Variants in DPYD observed in about 807,000 individuals in gnomAD.
The protein encoded by DPYD is dihydropyrimidine dehydrogenase [NADP(+)].
DPYD carries 109 observed loss-of-function variants against 116.2 expected under a neutral mutation model. That is an observed-to-expected ratio of 0.94 (90% CI 0.80 to 1.10). The LOEUF (loss-of-function observed/expected upper bound fraction) is 1.10, where lower values mean the gene tolerates loss of function less well. Among genes scored for constraint, DPYD ranks in the 50% least tolerant of loss-of-function variants. DPYD has a pLI of 0.00. For missense variants in DPYD, 1,302 were observed against 1,254.5 expected, an observed-to-expected ratio of 1.04 and a Z score of -0.57; for synonymous variants, 440 against 432.0, an observed-to-expected ratio of 1.02 and a Z score of -0.23.
intron 12 of DPYD, among the ~76,000 whole-genome samples, chr1:97,520,015 AC>A (rs1315389660): frequency 6.6e-6 from 1 of 152,182 alleles, no homozygotes; most frequent in Admixed American, 6.6e-5. Flanking sequence ...AAATGCATTA[AC>A]TTCCCCATAT....
chr1:97,821,269 T>C (rs562148142), intron 3 of DPYD, among the ~76,000 whole-genome samples: 2 of 145,346 alleles, frequency 1.4e-5, no homozygotes, highest in South Asian at 2.2e-4. Context: ...AGGCGGAAGT[T>C]GCAGTGAGCC....
intron 19 of DPYD, among the ~76,000 whole-genome samples, chr1:97,219,398 T>C (rs1018787648): frequency 6.6e-6 from 1 of 152,162 alleles, no homozygotes; most frequent in African/African-American, 2.4e-5. Context: ...TGGAAAGAGA[T>C]GTGTGTTAGT....
chr1:97,284,851 G>A (rs1181826656), intron 18 of DPYD, among the ~76,000 whole-genome samples: 1 of 152,086 alleles, frequency 6.6e-6, no homozygotes, highest in Admixed American at 6.5e-5. Flanking sequence ...ACAGCAATGT[G>A]TATTTTATTT....
chr1:97,513,058 A>G (rs1647924368), intron 13 of DPYD, among the ~76,000 whole-genome samples: 1 of 151,816 alleles, frequency 6.6e-6, no homozygotes, highest in South Asian at 2.1e-4. Context: ...ACTGCACAGT[A>G]AAGAATAATA....
intron 18 of DPYD, among the ~76,000 whole-genome samples, chr1:97,271,342 A>G (rs1316988510): frequency 6.6e-6 from 1 of 152,214 alleles, no homozygotes; most frequent in East Asian, 1.9e-4. Context: ...GAAATAAAAT[A>G]AAATCAGGAA....
chr1:97,474,866 C>T (rs1677865938), intron 13 of DPYD, among the ~76,000 whole-genome samples: 1 of 151,880 alleles, frequency 6.6e-6, no homozygotes, highest in Admixed American at 6.6e-5. Flanking sequence ...ACATAAACTC[C>T]TATCATTGAC....
At chr1:97,255,083 T>C (rs1663359737) in intron 18 of DPYD, among the ~76,000 whole-genome samples, 1 of 152,156 alleles carries the variant, frequency 6.6e-6, no homozygotes, top group Admixed American at 6.6e-5. Context: ...CATGCCTGAG[T>C]ATCAAATTAT....
chr1:97,364,928 C>T (rs1333845866), intron 16 of DPYD, among the ~76,000 whole-genome samples: 3 of 152,162 alleles, frequency 2.0e-5, no homozygotes, highest in Non-Finnish European at 4.4e-5. Context: ...AGTTGGAAAC[C>T]TTAAACTGAC....
At chr1:97,649,941 A>G (rs1024422170) in intron 8 of DPYD, among the ~76,000 whole-genome samples, 4 of 151,988 alleles carry the variant, frequency 2.6e-5, no homozygotes, top group African/African-American at 9.7e-5. Context: ...AGCCTCTTAA[A>G]AGGTTTCCCA....
At chr1:97,165,434 G>T (rs1570585788) in intron 20 of DPYD, among the ~76,000 whole-genome samples, 1 of 152,212 alleles carries the variant, frequency 6.6e-6, no homozygotes, top group East Asian at 1.9e-4. Context: ...ACTTAAGATG[G>T]ATTGAAGACT....
At position 97,775,166 on chromosome 1, in the gene DPYD, C is replaced by A. The variant is rs116165320; in HGVS notation, c.234-34687G>T. On this transcript the variant is annotated intron_variant, in intron 3 of 22. Transcript: ENST00000370192. ...TTTCCATTCAAGTGTAAAATATTTT[C>A]CAGGTTTTTTTCCTAATAGGTTAGA... is the stretch of plus-strand genomic sequence containing the variant. 9.3e-3 allele frequency: 1,442 copies of A among 154,288 alleles called. 35 individuals carry two copies. Among genetic ancestry groups the A allele is most frequent in the African/African-American group, 0.032 (1,347 of 41,584 alleles). The allele number at this position is 154,288 out of a possible 1,614,324, so 9.6% of individuals were successfully genotyped here.
chr1:97,730,489 G>A (rs545046168), intron 4 of DPYD, among the ~76,000 whole-genome samples: 44 of 152,208 alleles, frequency 2.9e-4, no homozygotes, highest in African/African-American at 9.4e-4. Flanking sequence ...CTCCCAAATT[G>A]AGGGGATTAC....
intron 1 of DPYD, among the ~76,000 whole-genome samples, chr1:97,896,306 G>GATCACAGAATGC (rs1673067862): frequency 6.6e-6 from 1 of 151,762 alleles, no homozygotes. Flanking sequence ...GGCATGAACA[G>GATCACAGAATGC]ATCACAGAAG....
chr1:97,232,002 G>A (rs763401051), intron 19 of DPYD, among the ~76,000 whole-genome samples: 3 of 152,184 alleles, frequency 2.0e-5, no homozygotes, highest in African/African-American at 4.8e-5. Flanking sequence ...TGAAGACACT[G>A]CTCCATATTC....
At chr1:97,714,494 C>A (rs1161545608) in intron 5 of DPYD, among the ~76,000 whole-genome samples, 5 of 151,892 alleles carry the variant, frequency 3.3e-5, no homozygotes, top group Non-Finnish European at 7.4e-5. Context: ...AAGGCATGAC[C>A]CACCACGCCT....
intron 18 of DPYD, chr1:97,295,313 A>G (rs1318947368): frequency 6.6e-6 from 1 of 152,214 alleles, no homozygotes; most frequent in South Asian, 2.1e-4. Flanking sequence ...TTGAATAGCC[A>G]GTGCTGCTGA....
intron 20 of DPYD, among the ~76,000 whole-genome samples, chr1:97,192,484 A>G (rs1387781997): frequency 4.6e-5 from 7 of 152,306 alleles, no homozygotes; most frequent in African/African-American, 1.7e-4. Context: ...GGAAATACAA[A>G]GGCAAAATGC....
rs1013649133 is a variant in DPYD at position 97,626,986 on chromosome 1, T to C, written c.851-31820A>G. The stretch of plus-strand genomic sequence containing the variant: ...ATAAACAGCAGAAACTCATGTCTCA[T>C]AGTTCTAGGAGCTGGAAATCTCAGA... On this transcript the variant is annotated intron_variant, in intron 8 of 22. Transcript: ENST00000370192. Among the ~76,000 whole-genome samples the C allele has an allele frequency of 2.6e-5, 4 of 152,142 alleles. No individual in the cohort carries two copies. In the South Asian group the frequency reaches 8.3e-4, roughly 32 times the overall value.
chr1:97,840,352 C>A (rs1188059284), intron 2 of DPYD, among the ~76,000 whole-genome samples: 2 of 152,036 alleles, frequency 1.3e-5, no homozygotes, highest in African/African-American at 2.4e-5. Context: ...CAAAGTGAAG[C>A]ATCCAAGCGG....
Sources: gnomAD v4.1 joint callset for allele counts (sites outside exome capture counted in the v4.1 genomes callset) on GRCh38, gnomAD v4.1.1 for gene constraint, MANE v1.5 for transcripts, NCBI Gene and HGNC (gene_info 2026-07-23, HGNC 2026-07-21) for gene names.